Variants in C5orf34 observed in about 807,000 individuals in gnomAD.
C5orf34 encodes chromosome 5 open reading frame 34.
Under a neutral mutation model 78.4 loss-of-function variants are expected in C5orf34, and 73 were observed. The ratio of observed to expected loss-of-function variants is 0.93; its 90% CI spans 0.77 to 1.13. The LOEUF is 1.13. Among genes scored for constraint, C5orf34 ranks in the 50% most tolerant of loss-of-function variants. The pLI is 0.00. For synonymous variants in C5orf34, 251 were observed against 246.6 expected (o/e 1.02, Z -0.17); for missense variants, 730 against 732.7 (o/e 1.00, Z 0.04).
rs1399165855 is a variant in C5orf34 at position 43,495,939 on chromosome 5, C to A, written c.1153-1338G>T. 5.0e-6 allele frequency: 8 copies of A among 1,591,168 alleles called. No homozygotes were observed. In the East Asian group the frequency reaches 1.3e-4, roughly 27 times the overall value. ...CCAATTTTCTTAATGTAAGTGCTGACTTCCTTAACAATTTCCTCTTCTCTC... is the reference window on the plus strand; with the variant it reads ...CCAATTTTCTTAATGTAAGTGCTGAATTCCTTAACAATTTCCTCTTCTCTC... On this transcript the variant is annotated intron_variant, in intron 6 of 12. Coordinates refer to ENST00000306862, the MANE Select transcript of C5orf34 (RefSeq NM_198566.4).
intron 6 of C5orf34, among the ~76,000 whole-genome samples, chr5:43,499,735 T>C (rs1406879059): frequency 6.6e-6 from 1 of 152,226 alleles, no homozygotes; most frequent in Non-Finnish European, 1.5e-5. Context: ...CGCAAGTTTC[T>C]TTATTCGCTC....
intron 1 of C5orf34, among the ~76,000 whole-genome samples, chr5:43,512,026 T>TAA (rs11299417): frequency 1.7e-5 from 2 of 119,568 alleles, no homozygotes; most frequent in East Asian, 2.4e-4. Flanking sequence ...AATGATCAAC[T>TAA]AAAAAAAAAA....
rs572351973 is a variant in C5orf34, at chr5:43,496,865, T to A, written c.1153-2264A>T. On this transcript the variant is annotated intron_variant, in intron 6 of 12. Transcript: ENST00000306862. ...GATTACAGGCATGAGCCACTGTGCC[T>A]GGCCCAAAAGTTACATTCTAATAAC... is the stretch of plus-strand genomic sequence containing the variant. 1.6e-4 allele frequency among the ~76,000 whole-genome samples: 24 copies of A among 152,294 alleles called. No homozygotes were observed. In the South Asian group the frequency reaches 4.8e-3, roughly 30 times the overall value.
chr5:43,496,103 C>A (rs1308118212), intron 6 of C5orf34: 2 of 1,416,488 alleles, frequency 1.4e-6, no homozygotes, highest in Non-Finnish European at 1.9e-6. Context: ...TTCGCCAACA[C>A]CAGCAGCAAC....
At chr5:43,498,478 G>GA (rs879692951) in intron 6 of C5orf34, among the ~76,000 whole-genome samples, 34 of 151,554 alleles carry the variant, frequency 2.2e-4, no homozygotes, top group Middle Eastern at 3.4e-3. Context: ...AGGCGCAAAA[G>GA]AAAAAAAAGC....
At chr5:43,491,045 CA>C (rs1213719044) in intron 10 of C5orf34, among the ~76,000 whole-genome samples, 2 of 152,004 alleles carry the variant, frequency 1.3e-5, no homozygotes, top group African/African-American at 2.4e-5. Context: ...TTTAGTTTTT[CA>C]AAGTAAAATG....
intron 12 of C5orf34, 113 bp from the exon 13 acceptor site, chr5:43,487,224 G>T: frequency 1.9e-6 from 1 of 520,984 alleles, no homozygotes; most frequent in Non-Finnish European, 3.3e-6. Flanking sequence ...AGACCTCTTG[G>T]ATTCATAATA....
chr5:43,494,339 C>A (rs1324351882), intron 7 of C5orf34, among the ~76,000 whole-genome samples, 171 bp downstream of exon 7: 1 of 152,090 alleles, frequency 6.6e-6, no homozygotes, highest in Admixed American at 6.5e-5. Flanking sequence ...ATAAATGACA[C>A]AAAAATTACC....
intron 6 of C5orf34, chr5:43,494,951 T>C: frequency 1.2e-6 from 1 of 810,690 alleles, no homozygotes; most frequent in Non-Finnish European, 2.0e-6. Context: ...GGTTTTACGA[T>C]GCATTGTTAT....
At chr5:43,513,704 T>C (rs1746368416) in intron 1 of C5orf34, among the ~76,000 whole-genome samples, 1 of 152,236 alleles carries the variant, frequency 6.6e-6, no homozygotes, top group African/African-American at 2.4e-5. Context: ...CTGCCTGCCT[T>C]GTCTTTTCCT....
intron 6 of C5orf34, among the ~76,000 whole-genome samples, chr5:43,497,991 C>A (rs1745612439): frequency 6.6e-6 from 1 of 152,222 alleles, no homozygotes; most frequent in Non-Finnish European, 1.5e-5. Context: ...TTCCTTCCGT[C>A]TCAGGGAAGC....
At chr5:43,501,622 G>T (rs1039249994) in intron 6 of C5orf34, among the ~76,000 whole-genome samples, 2 of 151,970 alleles carry the variant, frequency 1.3e-5, no homozygotes, top group Non-Finnish European at 2.9e-5. Context: ...GTACATAGGG[G>T]TCCCTTATAT....
chr5:43,503,563 G>T, intron 5 of C5orf34, 102 bp downstream of exon 5: 1 of 820,662 alleles, frequency 1.2e-6, no homozygotes, highest in Non-Finnish European at 2.1e-6. Context: ...CAACAGAACT[G>T]TGTCCTCTTC....
intron 6 of C5orf34, among the ~76,000 whole-genome samples, chr5:43,498,730 C>G (rs1745643904): frequency 6.6e-6 from 1 of 152,210 alleles, no homozygotes; most frequent in African/African-American, 2.4e-5. Context: ...ACCTCTTCCC[C>G]ACCCAGTTCA....
chr5:43,504,793 A>T (rs550651793), intron 4 of C5orf34, among the ~76,000 whole-genome samples: 1 of 152,234 alleles, frequency 6.6e-6, no homozygotes, highest in Non-Finnish European at 1.5e-5. Flanking sequence ...ATGGTAAGTT[A>T]TTGAAAAATC....
At chr5:43,512,683 T>A (rs1266212769) in intron 1 of C5orf34, among the ~76,000 whole-genome samples, 1 of 151,286 alleles carries the variant, frequency 6.6e-6, no homozygotes, top group Non-Finnish European at 1.5e-5. Flanking sequence ...AATCAAGGAT[T>A]CTTCAAGACC....
intron 7 of C5orf34, among the ~76,000 whole-genome samples, chr5:43,494,264 C>G (rs1409321621): frequency 6.6e-6 from 1 of 152,160 alleles, no homozygotes; most frequent in Non-Finnish European, 1.5e-5. Flanking sequence ...TACTTCCTCT[C>G]AGCACTTGCT....
At chr5:43,498,738 T>C (rs72758656) in intron 6 of C5orf34, among the ~76,000 whole-genome samples, 9,309 of 152,296 alleles carry the variant, frequency 0.061, 391 homozygotes, top group Non-Finnish European at 0.096. Flanking sequence ...CCCACCCAGT[T>C]CATCTTCCTC....
intron 1 of C5orf34, among the ~76,000 whole-genome samples, chr5:43,513,533 C>T (rs1039550135): frequency 2.0e-5 from 3 of 152,234 alleles, no homozygotes; most frequent in African/African-American, 2.4e-5. Flanking sequence ...TACTTAAAAT[C>T]CAAACTCCTA....
Sources: gnomAD v4.1 joint callset for allele counts (sites outside exome capture counted in the v4.1 genomes callset) on GRCh38, gnomAD v4.1.1 for gene constraint, MANE v1.5 for transcripts, NCBI Gene and HGNC (gene_info 2026-07-23, HGNC 2026-07-21) for gene names.